The following ZBTB20 variants were observed in gnomAD, a reference collection of about 807,000 sequenced individuals.
ZBTB20 encodes zinc finger and BTB domain containing 20.
ZBTB20 carries 9 observed loss-of-function variants against 56.9 expected under a neutral mutation model. That is an observed-to-expected ratio of 0.16 (90% CI 0.10 to 0.28). The LOEUF is 0.28. Among genes scored for constraint, ZBTB20 ranks in the 10% least tolerant of loss-of-function variants. The probability of loss-of-function intolerance (pLI) is 1.00; values close to 1 mark genes in which losing one functional copy is unlikely to be tolerated. For missense variants in ZBTB20, 655 were observed against 1,003.0 expected, an observed-to-expected ratio of 0.65 and a Z score of 4.69; for synonymous variants, 417 against 420.7, an observed-to-expected ratio of 0.99 and a Z score of 0.11.
chr3:114,325,080 C>G lies in ZBTB20; in HGVS notation c.*13925G>C, dbSNP rs571816474. On this transcript the variant is annotated 3_prime_UTR_variant, in exon 12 of 12. Coordinates refer to ENST00000675478, the MANE Select transcript of ZBTB20 (RefSeq NM_001348800.3). Reference sequence around the variant, plus strand: ...TGCCATGATGAAGATTACTAAGACACCCTGCTTTCATCTACTCTGAAAACC... The same window carrying G: ...TGCCATGATGAAGATTACTAAGACAGCCTGCTTTCATCTACTCTGAAAACC... 1.3e-5 allele frequency: 2 copies of G among 152,218 alleles called. No homozygotes were observed. Among genetic ancestry groups the G allele is most frequent in the Non-Finnish European group, 2.9e-5 (2 of 67,998 alleles). 9.4% of individuals were successfully genotyped at this position (152,218 alleles called of 1,614,324 possible).
chr3:115,045,847 T>G (rs1044302486), intron 2 of ZBTB20, among the ~76,000 whole-genome samples: 1 of 152,152 alleles, frequency 6.6e-6, no homozygotes, highest in Non-Finnish European at 1.5e-5. Context: ...TCCTCATATT[T>G]TAAGATTCTA....
At chr3:114,360,922 T>A (rs1169854205) in intron 10 of ZBTB20, among the ~76,000 whole-genome samples, 1 of 152,084 alleles carries the variant, frequency 6.6e-6, no homozygotes, top group Non-Finnish European at 1.5e-5. Context: ...AGATGAAGAA[T>A]AAGTGCTGTC....
intron 2 of ZBTB20, among the ~76,000 whole-genome samples, chr3:115,034,228 A>G (rs2080821173): frequency 6.6e-6 from 1 of 151,752 alleles, no homozygotes; most frequent in Non-Finnish European, 1.5e-5. Flanking sequence ...TCCTAGTCAG[A>G]GCAGTTAATT....
chr3:114,458,351 G>A (rs181913166), intron 7 of ZBTB20, among the ~76,000 whole-genome samples: 1 of 152,032 alleles, frequency 6.6e-6, no homozygotes, highest in Non-Finnish European at 1.5e-5. Context: ...ATCATTTAGG[G>A]TGCTTTTTTT....
At chr3:114,859,572 G>GGTT (rs2075415198) in intron 4 of ZBTB20, among the ~76,000 whole-genome samples, 1 of 116,606 alleles carries the variant, frequency 8.6e-6, no homozygotes, top group African/African-American at 3.1e-5. Flanking sequence ...TTCTTATGGC[G>GGTT]TTTTTTTTTT....
chr3:114,702,669 G>T (rs566763984), intron 5 of ZBTB20, among the ~76,000 whole-genome samples: 1 of 149,862 alleles, frequency 6.7e-6, no homozygotes, highest in African/African-American at 2.4e-5. Flanking sequence ...TCTAAATTGT[G>T]TGTGTGTGTG....
At chr3:114,660,418 A>C (rs1193150440) in intron 6 of ZBTB20, among the ~76,000 whole-genome samples, 1 of 152,196 alleles carries the variant, frequency 6.6e-6, no homozygotes, top group African/African-American at 2.4e-5. Context: ...AAAACACAGC[A>C]GTTTCCTTCA....
At chr3:114,437,840 T>C (rs1290837984) in intron 7 of ZBTB20, among the ~76,000 whole-genome samples, 1 of 152,142 alleles carries the variant, frequency 6.6e-6, no homozygotes, top group Admixed American at 6.6e-5. Context: ...ATCCAAAGCA[T>C]ACCTGACTAG....
chr3:114,930,464 A>C, intron 3 of ZBTB20: 1 of 152,918 alleles, frequency 6.5e-6, no homozygotes, highest in East Asian at 1.9e-4. Context: ...AGCCCTGAGC[A>C]GCCCCACCAC....
At chr3:114,606,427 A>C (rs2057158758) in intron 6 of ZBTB20, among the ~76,000 whole-genome samples, 1 of 152,112 alleles carries the variant, frequency 6.6e-6, no homozygotes, top group Non-Finnish European at 1.5e-5. Context: ...TTTCTTTCAA[A>C]GTACACAAAT....
chr3:114,581,140 G>A (rs953399620), intron 6 of ZBTB20, among the ~76,000 whole-genome samples: 1 of 151,898 alleles, frequency 6.6e-6, no homozygotes, highest in African/African-American at 2.4e-5. Context: ...TTTGATATAG[G>A]CAAAAGATGG....
intron 3 of ZBTB20, among the ~76,000 whole-genome samples, chr3:114,967,757 G>C (rs1385244223): frequency 6.6e-6 from 1 of 152,058 alleles, no homozygotes; most frequent in South Asian, 2.1e-4. Context: ...AGGAGTTCAA[G>C]ACCAGCCTGG....
At chr3:114,797,226 T>C (rs1376285673) in intron 5 of ZBTB20, among the ~76,000 whole-genome samples, 1 of 151,668 alleles carries the variant, frequency 6.6e-6, no homozygotes, top group African/African-American at 2.4e-5. Flanking sequence ...CTTTAAAAAA[T>C]ATTTATTTTC....
At chr3:114,544,696 G>A (rs549993896) in intron 6 of ZBTB20, among the ~76,000 whole-genome samples, 18 of 151,648 alleles carry the variant, frequency 1.2e-4, no homozygotes, top group South Asian at 4.2e-4. Context: ...GTAGAGATGG[G>A]GTTTTGCCAT....
chr3:114,979,646 GTATTT>G, intron 2 of ZBTB20, among the ~76,000 whole-genome samples: 1 of 152,068 alleles, frequency 6.6e-6, no homozygotes, highest in Non-Finnish European at 1.5e-5. Context: ...AGGTTTAATT[GTATTT>G]TATTTTAAAA....
intron 5 of ZBTB20, among the ~76,000 whole-genome samples, chr3:114,766,522 TG>T: frequency 6.6e-6 from 1 of 151,372 alleles, no homozygotes; most frequent in African/African-American, 2.4e-5. Context: ...TGTGTGTGTG[TG>T]TGTGTGTATA....
At chr3:114,770,271 T>G (rs895929218) in intron 5 of ZBTB20, among the ~76,000 whole-genome samples, 1 of 151,868 alleles carries the variant, frequency 6.6e-6, no homozygotes, top group African/African-American at 2.4e-5. Context: ...AAACCCTGTC[T>G]GTAGTAAAAA....
chr3:114,665,318 G>A (rs2108116011), intron 6 of ZBTB20, among the ~76,000 whole-genome samples: 1 of 152,098 alleles, frequency 6.6e-6, no homozygotes, highest in South Asian at 2.1e-4. Context: ...TTATGGCCTA[G>A]GAGCAATAAG....
At chr3:115,063,266 A>G (rs2082077358) in intron 2 of ZBTB20, among the ~76,000 whole-genome samples, 1 of 152,236 alleles carries the variant, frequency 6.6e-6, no homozygotes, top group Non-Finnish European at 1.5e-5. Flanking sequence ...AAATTGCCAT[A>G]GACTTGGTTA....
Sources: allele counts gnomAD v4.1 joint callset (sites outside exome capture counted in the v4.1 genomes callset), GRCh38; gene constraint gnomAD v4.1.1; transcripts MANE v1.5; gene names NCBI Gene and HGNC (gene_info 2026-07-23, HGNC 2026-07-21).